The following TRAK1 variants were observed in gnomAD, a reference collection of about 807,000 sequenced individuals.
TRAK1 encodes the protein trafficking kinesin protein 1, also known as trafficking kinesin-binding protein 1.
TRAK1 carries 33 observed loss-of-function variants against 92.1 expected under a neutral mutation model. The ratio of observed to expected loss-of-function variants is 0.36; its 90% confidence interval spans 0.27 to 0.48. The LOEUF (loss-of-function observed/expected upper bound fraction) is 0.48. Ranked by LOEUF, TRAK1 falls within the 20% of genes least tolerant of loss-of-function variation. The probability of loss-of-function intolerance (pLI) is 0.99; values close to 1 mark genes in which losing one functional copy is unlikely to be tolerated. For missense variants in TRAK1, 1,123 were observed against 1,257.9 expected (o/e 0.89, Z 1.62); for synonymous variants, 521 against 517.3 (o/e 1.01, Z -0.10).
In TRAK1 at chr3:42,209,859, C is replaced by T. The variant is rs200328694; in HGVS notation, c.1837C>T (p.Arg613Trp). ...GCCCGGTGTGGTCACCAAGGGCTTC[C>T]GGACGCTGGATGTTGACCTGGACGA... ...PRPGVVTKGF[R>W]TLDVDLDEVY... The change falls in exon 14 of 16, where the codon CGG becomes TGG. Residue 613 changes from arginine (R) to tryptophan (W), a missense_variant. Arg to Trp is a moderately radical substitution (Grantham distance 101, BLOSUM62 -3). This residue lies in a region of TRAK1 where 36 missense variants were observed against 71.3 expected (regional missense o/e 0.50). Transcript: ENST00000327628. The T allele has an allele frequency of 1.3e-5, 21 of 1,614,212 alleles. No homozygotes were observed. The highest frequency in any genetic ancestry group is 1.2e-4 in the Admixed American group (7 of 60,020).
chr3:42,154,788 G>A (rs774111390), intron 2 of TRAK1, among the ~76,000 whole-genome samples: 1 of 152,110 alleles, frequency 6.6e-6, no homozygotes, highest in Non-Finnish European at 1.5e-5. Context: ...CCTCAGTCGT[G>A]CCAACCCTGC....
chr3:42,055,604 A>G (rs921916898), intron 1 of TRAK1, among the ~76,000 whole-genome samples: 1 of 152,200 alleles, frequency 6.6e-6, no homozygotes, highest in Non-Finnish European at 1.5e-5. Flanking sequence ...CTGAGATCAC[A>G]GGCGTGTGCC....
At chr3:42,072,204 G>T (rs568184200) in intron 1 of TRAK1, among the ~76,000 whole-genome samples, 3 of 152,000 alleles carry the variant, frequency 2.0e-5, no homozygotes, top group East Asian at 3.9e-4. Flanking sequence ...CCTTTGCAGA[G>T]CAATGTCCTG....
chr3:42,078,780 A>T (rs1004183533), intron 1 of TRAK1, among the ~76,000 whole-genome samples: 1 of 151,638 alleles, frequency 6.6e-6, no homozygotes, highest in Admixed American at 6.6e-5. Context: ...AAAGAAAGAA[A>T]GAAAGAAAGA....
chr3:42,065,538 G>A (rs6763506), intron 1 of TRAK1, among the ~76,000 whole-genome samples: 3,132 of 152,004 alleles, frequency 0.021, 119 homozygotes, highest in African/African-American at 0.072. Flanking sequence ...GTTGCGTAAA[G>A]GCTATTCAGT....
At chr3:42,129,701 G>A (rs1394682995) in intron 2 of TRAK1, among the ~76,000 whole-genome samples, 1 of 152,186 alleles carries the variant, frequency 6.6e-6, no homozygotes, top group African/African-American at 2.4e-5. Context: ...AGTGTGCTGG[G>A]TAATCCTCAG....
chr3:42,094,542 A>G (rs1705612869), intron 1 of TRAK1, among the ~76,000 whole-genome samples: 1 of 150,526 alleles, frequency 6.6e-6, no homozygotes, highest in African/African-American at 2.4e-5. Context: ...GTGCCTGGCT[A>G]TTTTTTTTTG....
At chr3:42,105,200 C>T (rs1025361276) in intron 1 of TRAK1, among the ~76,000 whole-genome samples, 3 of 151,802 alleles carry the variant, frequency 2.0e-5, no homozygotes, top group East Asian at 1.9e-4. Flanking sequence ...GTGATCCACC[C>T]GCCTCGGCCT....
intron 1 of TRAK1, among the ~76,000 whole-genome samples, chr3:42,111,204 C>G (rs566014268): frequency 1.3e-5 from 2 of 152,090 alleles, no homozygotes; most frequent in Non-Finnish European, 2.9e-5. Context: ...AAAGATTTGA[C>G]CTAACTGACT....
chr3:42,037,307 C>T (rs554696126), intron 1 of TRAK1, among the ~76,000 whole-genome samples: 2 of 152,192 alleles, frequency 1.3e-5, no homozygotes, highest in African/African-American at 4.8e-5. Context: ...ATTTTAGACC[C>T]ATTTTCCTTA....
chr3:42,161,981 G>A (rs1701328692), intron 2 of TRAK1, among the ~76,000 whole-genome samples: 1 of 152,190 alleles, frequency 6.6e-6, no homozygotes, highest in Non-Finnish European at 1.5e-5. Context: ...AGTGCAGCCA[G>A]TGCCCTCATC....
At chr3:42,032,268 C>T (rs1391526731) in intron 1 of TRAK1, among the ~76,000 whole-genome samples, 2 of 152,140 alleles carry the variant, frequency 1.3e-5, no homozygotes, top group African/African-American at 4.8e-5. Context: ...GAGAGTTGGG[C>T]TTGTTTGGGG....
rs1157067369 is a variant in TRAK1, at chr3:42,054,904, ATTTTTTTTTTTTTTTTTT to A, written c.-518-32183_-518-32166del. 2.5e-3 allele frequency among the ~76,000 whole-genome samples: 92 copies of A among 37,110 alleles called. 1 individual carries two copies. Among genetic ancestry groups the A allele is most frequent in the African/African-American group, 7.3e-3 (81 of 11,108 alleles). The allele number at this position is 37,110 out of a possible 152,430, so 24.3% of individuals were successfully genotyped here. ...TTGTAAATGATCTACAGCAAACTAG[ATTTTTTTTTTTTTTTTTT>A]TTTTTTTTTTTTTTTTGAGACAGAG... is the stretch of plus-strand genomic sequence containing the variant. On this transcript the variant is annotated intron_variant, in intron 1 of 16. Coordinates refer to the TRAK1 transcript ENST00000487159.
chr3:42,139,220 A>C (rs77891888), intron 2 of TRAK1, among the ~76,000 whole-genome samples: 1 of 152,104 alleles, frequency 6.6e-6, no homozygotes, highest in Non-Finnish European at 1.5e-5. Context: ...CTCTGGGGCC[A>C]TTTTGTTTAC....
At chr3:42,106,138 C>A (rs559473118) in intron 1 of TRAK1, among the ~76,000 whole-genome samples, 1 of 152,312 alleles carries the variant, frequency 6.6e-6, no homozygotes, top group Admixed American at 6.5e-5. Context: ...CAGCTAACAT[C>A]ATAATGACAG....
chr3:42,029,385 C>T (rs1018520028), intron 1 of TRAK1, among the ~76,000 whole-genome samples: 4 of 151,412 alleles, frequency 2.6e-5, no homozygotes, highest in African/African-American at 4.8e-5. Context: ...ACTGCAGGTG[C>T]GCGCCACCAT....
chr3:42,024,737 C>A (rs1052029456), intron 1 of TRAK1, among the ~76,000 whole-genome samples: 1 of 152,206 alleles, frequency 6.6e-6, no homozygotes, highest in Non-Finnish European at 1.5e-5. Flanking sequence ...TTCATGCTTG[C>A]ATACACACCC....
intron 2 of TRAK1, among the ~76,000 whole-genome samples, chr3:42,164,834 G>T (rs1198402261): frequency 1.3e-5 from 2 of 152,192 alleles, no homozygotes; most frequent in Non-Finnish European, 2.9e-5. Flanking sequence ...GATTAAGAGG[G>T]CTGAACTGCA....
At chr3:42,090,493 C>T (rs1704959210), upstream of TRAK1, among the ~76,000 whole-genome samples, 1 of 152,172 alleles carries the variant, frequency 6.6e-6, no homozygotes, top group Non-Finnish European at 1.5e-5. Context: ...CAAGACCAGC[C>T]TGGCCAACAT....
Sources: allele counts gnomAD v4.1 joint callset (sites outside exome capture counted in the v4.1 genomes callset), GRCh38; gene constraint gnomAD v4.1.1; regional missense constraint gnomAD v4.1.1; transcripts MANE v1.5; gene names NCBI Gene and HGNC (gene_info 2026-07-23, HGNC 2026-07-21).